DGLUCY: variants seen among roughly 807,000 people sequenced by gnomAD.
DGLUCY encodes D-glutamate cyclase, mitochondrial.
In DGLUCY, 58 loss-of-function variants were observed where a neutral mutation model predicts 58.5. The observed-to-expected ratio is 0.99, with a 90% CI of 0.80 to 1.23. DGLUCY has a LOEUF of 1.23. Ranked by LOEUF, DGLUCY falls within the 50% of genes most tolerant of loss-of-function variation. The pLI, the probability that DGLUCY is intolerant of heterozygous loss-of-function variation, is 0.00. For missense variants in DGLUCY, 779 were observed against 784.7 expected (o/e 0.99, Z 0.09); for synonymous variants, 325 against 314.1 (o/e 1.03, Z -0.37).
chr14:91,205,188 C>T (rs1373997941), intron 12 of DGLUCY, among the ~76,000 whole-genome samples: 1 of 152,144 alleles, frequency 6.6e-6, no homozygotes, highest in Non-Finnish European at 1.5e-5. Context: ...GATGGGAGGG[C>T]CCCTTCAGAT....
At chr14:91,074,160 C>CACACACACACAG (rs1453975330) in intron 1 of DGLUCY, among the ~76,000 whole-genome samples, 1 of 136,124 alleles carries the variant, frequency 7.3e-6, no homozygotes, top group Non-Finnish European at 1.5e-5. Context: ...CACACACACA[C>CACACACACACAG]AGTCAAGCAC....
intron 1 of DGLUCY, among the ~76,000 whole-genome samples, chr14:91,140,081 A>C (rs1004789230): frequency 6.6e-6 from 1 of 152,262 alleles, no homozygotes; most frequent in African/African-American, 2.4e-5. Flanking sequence ...TAGGAACAAA[A>C]GGAAAGACAG....
At chr14:91,156,183 G>A (rs1243911905) in intron 1 of DGLUCY, among the ~76,000 whole-genome samples, 5 of 150,832 alleles carry the variant, frequency 3.3e-5, no homozygotes, top group South Asian at 4.2e-4. Flanking sequence ...GCGTGATCTC[G>A]GCTCACTGCA....
At chr14:91,163,355 A>C (rs1467580899) in intron 3 of DGLUCY, among the ~76,000 whole-genome samples, 1 of 152,212 alleles carries the variant, frequency 6.6e-6, no homozygotes, top group Non-Finnish European at 1.5e-5. Context: ...AAGCCAGCCA[A>C]ATCCCCTCCC....
At position 91,072,663 on chromosome 14, in the gene DGLUCY, AAC is replaced by A. The variant is rs202022383; in HGVS notation, c.-82+11961_-82+11962del. ...TGAGATTTGAGACACCAAAAAAAAA[AAC>A]AAAAAACAAAACTTCCTCATGGTGC... On this transcript the variant is annotated intron_variant, in intron 1 of 4. Transcript: ENST00000521334. Among the ~76,000 whole-genome samples the A allele has an allele frequency of 3.9e-3, 558 of 143,846 alleles. 3 individuals are homozygous for A. The highest frequency in any genetic ancestry group is 0.011 in the African/African-American group (413 of 39,058). 94.4% of individuals were successfully genotyped at this position (143,846 alleles called of 152,430 possible).
chr14:91,065,442 C>T (rs2043804385), intron 1 of DGLUCY, among the ~76,000 whole-genome samples: 3 of 152,206 alleles, frequency 2.0e-5, no homozygotes, highest in East Asian at 1.9e-4. Flanking sequence ...AAGGAGTTGG[C>T]GCTAGTATGG....
At chr14:91,196,528 T>C in intron 10 of DGLUCY, 54 bp downstream of exon 10, 7 of 1,451,224 alleles carry the variant, frequency 4.8e-6, no homozygotes, top group Non-Finnish European at 6.7e-6. Context: ...GCCCATATGC[T>C]CTTCACTTAG....
At chr14:91,090,800 C>T (rs186372220) in intron 1 of DGLUCY, among the ~76,000 whole-genome samples, 1 of 152,312 alleles carries the variant, frequency 6.6e-6, no homozygotes, top group East Asian at 1.9e-4. Flanking sequence ...TGTCAAACTC[C>T]CAGCAAATGT....
intron 1 of DGLUCY, among the ~76,000 whole-genome samples, chr14:91,098,328 G>A (rs547925907): frequency 2.6e-5 from 4 of 151,914 alleles, no homozygotes; most frequent in Admixed American, 6.6e-5. Context: ...ATGATGGTGC[G>A]CATCTGTAAG....
At chr14:91,096,903 G>A (rs2044404781) in intron 1 of DGLUCY, among the ~76,000 whole-genome samples, 2 of 152,194 alleles carry the variant, frequency 1.3e-5, no homozygotes, top group African/African-American at 4.8e-5. Context: ...TTGCTGGGTT[G>A]GCACAGGGCA....
rs776724016 is a variant in DGLUCY, at chr14:91,170,042, C to A, written c.297C>A (p.Ala99=). The change falls in exon 5 of 14, where the codon GCC becomes GCA. Residue 99 remains alanine, a synonymous_variant. Coordinates refer to ENST00000256324, the MANE Select transcript of DGLUCY (RefSeq NM_001102368.3). ...AGTTCTGGAAATACGAGTTCGGTGC[C>A]TGCACCGGCAGCCTGGCTTCGCTGG... ...HPQFWKYEFG[A]CTGSLASLEQ... 1 of 1,612,286 alleles carries A rather than the reference C, an allele frequency of 6.2e-7. No homozygotes were observed. Among genetic ancestry groups the A allele is most frequent in the South Asian group, 1.1e-5 (1 of 91,002 alleles).
rs750489576 is a variant in DGLUCY at position 91,204,832 on chromosome 14, A to T, written c.1564+7A>T. ...GACTTTGCCGTCATTGCTGGTGAGC[A>T]CTCGGATGGCCGCCCAGTCCGGCCG... On this transcript the variant is annotated splice_region_variant and intron_variant, in intron 12 of 13. Transcript: ENST00000256324. The T allele has an allele frequency of 1.9e-6, 3 of 1,613,744 alleles. No individual in the cohort carries two copies. In the East Asian group the frequency reaches 6.7e-5, roughly 36 times the overall value.
At chr14:91,088,139 G>A (rs920739593) in intron 1 of DGLUCY, among the ~76,000 whole-genome samples, 2 of 152,176 alleles carry the variant, frequency 1.3e-5, no homozygotes, top group African/African-American at 4.8e-5. Flanking sequence ...ATTGGAAATT[G>A]CAAGTAAATG....
rs5810528 is a variant in DGLUCY, at chr14:91,069,799, C to CTTTTTTTTTTT, written c.-82+9102_-82+9112dup. On this transcript the variant is annotated intron_variant, in intron 1 of 4. Transcript: ENST00000521334. Reference sequence around the variant, plus strand: ...TTTCACTTATGATAATGATATGCCTCTTTTTTTTTTTTTTTTTGTCACCCA... The same window carrying CTTTTTTTTTTT: ...TTTCACTTATGATAATGATATGCCTCTTTTTTTTTTTTTTTTTTTTTTTTTTTTGTCACCCA... Among the ~76,000 whole-genome samples the CTTTTTTTTTTT allele has an allele frequency of 1.9e-4, 23 of 121,028 alleles. 1 individual carries two copies. Among genetic ancestry groups the CTTTTTTTTTTT allele is most frequent in the African/African-American group, 7.3e-4 (23 of 31,632 alleles). The allele number at this position is 121,028 out of a possible 152,430, so 79.4% of individuals were successfully genotyped here.
chr14:91,139,207 A>G (rs2046512492), intron 1 of DGLUCY, among the ~76,000 whole-genome samples: 1 of 152,204 alleles, frequency 6.6e-6, no homozygotes, highest in Non-Finnish European at 1.5e-5. Flanking sequence ...GTACAGGGAC[A>G]GGAAAAGGCC....
At chr14:91,175,742 G>A in intron 6 of DGLUCY, 192 bp from the exon 7 acceptor site, 1 of 523,496 alleles carries the variant, frequency 1.9e-6, no homozygotes, top group Non-Finnish European at 3.4e-6. Flanking sequence ...ATGCCACATG[G>A]ACTGTAAATT....
rs200622665 is a variant in DGLUCY at position 91,213,910 on chromosome 14, G to A, written c.1565-1495G>A. Among the ~76,000 whole-genome samples, 7 of 152,260 alleles carry A rather than the reference G, an allele frequency of 4.6e-5. No individual in the cohort carries two copies. In the East Asian group the frequency reaches 1.2e-3, roughly 25 times the overall value. ...AGATGGGGTTTCACCATGTTGGCCA[G>A]GCTGGTCTCGAACTCCTAACCTCAG... On this transcript the variant is annotated intron_variant, in intron 12 of 13. Transcript: ENST00000256324.
intron 1 of DGLUCY, among the ~76,000 whole-genome samples, chr14:91,116,942 C>A (rs372507669): frequency 7.6e-4 from 108 of 142,550 alleles, no homozygotes; most frequent in Middle Eastern, 3.6e-3. Flanking sequence ...GAGTCTGTCT[C>A]AAAAAAAAAA....
chr14:91,168,791 T>C (rs1248749389), intron 4 of DGLUCY, among the ~76,000 whole-genome samples: 1 of 152,242 alleles, frequency 6.6e-6, no homozygotes, highest in Non-Finnish European at 1.5e-5. Context: ...ACGAGCTCTT[T>C]AAATGCTGGG....
Sources: allele counts gnomAD v4.1 joint callset (sites outside exome capture counted in the v4.1 genomes callset), GRCh38; gene constraint gnomAD v4.1.1; transcripts MANE v1.5; gene names NCBI Gene and HGNC (gene_info 2026-07-23, HGNC 2026-07-21).